The following MBD5 variants were observed in gnomAD, a reference collection of about 807,000 sequenced individuals.
MBD5 encodes the protein methyl-CpG binding domain protein 5, also known as methyl-CpG-binding domain protein 5.
A neutral mutation model predicts 117.3 loss-of-function variants in MBD5; 13 were observed. The ratio of observed to expected loss-of-function variants is 0.11; its 90% confidence interval spans 0.07 to 0.18. MBD5 has a LOEUF of 0.18. Ranked by LOEUF, MBD5 falls within the 10% of genes least tolerant of loss-of-function variation. The probability of loss-of-function intolerance (pLI) is 1.00; values close to 1 mark genes in which losing one functional copy is unlikely to be tolerated. For missense variants in MBD5, 1,879 were observed against 2,093.8 expected (o/e 0.90, Z 2.00); for synonymous variants, 727 against 766.4 (o/e 0.95, Z 0.85).
At chr2:148,028,798 A>C (rs1221884867) in intron 1 of MBD5, 1 of 152,126 alleles carries the variant, frequency 6.6e-6, no homozygotes, top group Non-Finnish European at 1.5e-5. Flanking sequence ...AAATAACATA[A>C]AAATATTTAG....
chr2:148,036,038 ATTCTAT>A (rs1694187008), intron 1 of MBD5, among the ~76,000 whole-genome samples: 1 of 152,172 alleles, frequency 6.6e-6, no homozygotes, highest in African/African-American at 2.4e-5. Flanking sequence ...AATAAAACAA[ATTCTAT>A]TTATAGTTCT....
At chr2:148,437,672 C>A (rs75176694) in intron 4 of MBD5, among the ~76,000 whole-genome samples, 3,119 of 151,858 alleles carry the variant, frequency 0.021, 42 homozygotes, top group South Asian at 0.056. Flanking sequence ...ACATACATAT[C>A]TTTGCAAGCA....
At chr2:148,046,805 CAT>C (rs1694547925) in intron 1 of MBD5, among the ~76,000 whole-genome samples, 1 of 152,162 alleles carries the variant, frequency 6.6e-6, no homozygotes, top group Non-Finnish European at 1.5e-5. Context: ...TGTTACCAAA[CAT>C]AAACCTGGTT....
At chr2:148,365,205 A>C (rs1703660446) in intron 4 of MBD5, among the ~76,000 whole-genome samples, 1 of 152,228 alleles carries the variant, frequency 6.6e-6, no homozygotes, top group Non-Finnish European at 1.5e-5. Context: ...CCACACAAAT[A>C]CATGGAAACT....
At chr2:148,137,618 C>A (rs1335220746) in intron 1 of MBD5, among the ~76,000 whole-genome samples, 2 of 152,100 alleles carry the variant, frequency 1.3e-5, no homozygotes, top group African/African-American at 4.8e-5. Context: ...CGAATCGAGT[C>A]GTACCTATCC....
intron 1 of MBD5, among the ~76,000 whole-genome samples, chr2:148,153,281 G>T (rs1307005234): frequency 6.6e-6 from 1 of 151,870 alleles, no homozygotes; most frequent in East Asian, 1.9e-4. Context: ...ACTCTCTTCT[G>T]GCTTGTAGGG....
intron 4 of MBD5, among the ~76,000 whole-genome samples, chr2:148,397,492 G>A (rs1704758669): frequency 6.6e-6 from 1 of 151,758 alleles, no homozygotes; most frequent in South Asian, 2.1e-4. Flanking sequence ...ACCACGCCCG[G>A]CTAATTTTTT....
Position 148,485,935 on chromosome 2 carries a change from G to A in MBD5, c.3738G>A (p.Leu1246=). The change falls in exon 10 of 14, where the codon CTG becomes CTA. Residue 1246 remains leucine (L), a synonymous_variant. Coordinates refer to ENST00000642680, the MANE Select transcript of MBD5 (RefSeq NM_001378120.1). ...CPANNNPMAC[L]FQNFQVRMQE... The stretch of plus-strand genomic sequence containing the variant: ...CTAACAATAACCCCATGGCTTGTCT[G>A]TTTCAGAACTTTCAGGTACTCTCCT... 1 of 1,613,992 alleles carries A rather than the reference G, an allele frequency of 6.2e-7. No individual in the cohort carries two copies. The highest frequency in any genetic ancestry group is 8.5e-7 in the Non-Finnish European group (1 of 1,179,924).
At chr2:148,085,452 C>T (rs1311445015) in intron 1 of MBD5, among the ~76,000 whole-genome samples, 1 of 152,078 alleles carries the variant, frequency 6.6e-6, no homozygotes, top group East Asian at 1.9e-4. Context: ...CGGCCGGGCG[C>T]GGTGGCTCAC....
At chr2:148,149,500 C>T (rs1346215986) in intron 1 of MBD5, among the ~76,000 whole-genome samples, 1 of 149,580 alleles carries the variant, frequency 6.7e-6, no homozygotes, top group Non-Finnish European at 1.5e-5. Context: ...TTCTAGATCC[C>T]TGAGGAATCG....
intron 1 of MBD5, among the ~76,000 whole-genome samples, chr2:148,158,063 C>G (rs909980257): frequency 1.3e-5 from 2 of 151,736 alleles, no homozygotes. Context: ...AATAATTATC[C>G]TAACAAAATA....
rs571773813 is a variant in MBD5, at chr2:148,046,534, T to C, written c.-925+24850T>C. Among the ~76,000 whole-genome samples the C allele has an allele frequency of 6.6e-5, 10 of 152,260 alleles. No individual in the cohort carries two copies. In the East Asian group the frequency reaches 1.9e-3, roughly 29 times the overall value. On this transcript the variant is annotated intron_variant, in intron 1 of 13. Coordinates refer to ENST00000642680, the MANE Select transcript of MBD5 (RefSeq NM_001378120.1). ...ACTTTCTTGGATGGTGCTGTCCCTG[T>C]CTACCCCAATTCCCCAAGTTAGAAA...
At chr2:148,512,699 G>A (rs1682254225) in intron 13 of MBD5, among the ~76,000 whole-genome samples, 171 bp from the exon 14 acceptor site, 1 of 152,144 alleles carries the variant, frequency 6.6e-6, no homozygotes, top group Non-Finnish European at 1.5e-5. Context: ...AGTGACTGTG[G>A]GCACACTGAC....
chr2:148,087,807 G>A (rs1695833532), intron 1 of MBD5, among the ~76,000 whole-genome samples: 1 of 152,120 alleles, frequency 6.6e-6, no homozygotes, highest in African/African-American at 2.4e-5. Flanking sequence ...ACAAAACTAG[G>A]TTCTGTAACA....
chr2:148,059,527 C>T (rs1331257329), intron 1 of MBD5, among the ~76,000 whole-genome samples: 1 of 152,124 alleles, frequency 6.6e-6, no homozygotes, highest in Non-Finnish European at 1.5e-5. Flanking sequence ...AATGTAAATA[C>T]ACTTAAAAAT....
chr2:148,043,117 C>G (rs750788596), intron 1 of MBD5, among the ~76,000 whole-genome samples: 1 of 151,866 alleles, frequency 6.6e-6, no homozygotes, highest in Non-Finnish European at 1.5e-5. Flanking sequence ...TGGACTCCAC[C>G]CTAATCTTAT....
chr2:148,302,920 C>T (rs1477973498), intron 3 of MBD5, among the ~76,000 whole-genome samples: 2 of 150,336 alleles, frequency 1.3e-5, no homozygotes, highest in Non-Finnish European at 3.0e-5. Flanking sequence ...AATGATATAC[C>T]ACACTAAAGC....
intron 1 of MBD5, chr2:148,054,329 T>G (rs984378192): frequency 2.0e-5 from 3 of 152,254 alleles, no homozygotes; most frequent in African/African-American, 7.2e-5. Context: ...CATTTAAATT[T>G]TATTTGATTT....
chr2:148,106,135 A>G (rs186194997), intron 1 of MBD5, among the ~76,000 whole-genome samples: 230 of 152,104 alleles, frequency 1.5e-3, no homozygotes, highest in Middle Eastern at 3.6e-3. Flanking sequence ...TTTTATATAT[A>G]TGTCCTTTAT....
Sources: gnomAD v4.1 joint callset for allele counts (sites outside exome capture counted in the v4.1 genomes callset) on GRCh38, gnomAD v4.1.1 for gene constraint, MANE v1.5 for transcripts, NCBI Gene and HGNC (gene_info 2026-07-23, HGNC 2026-07-21) for gene names.